The following SLC13A5 variants were observed in gnomAD, a reference collection of about 807,000 sequenced individuals.
SLC13A5 encodes solute carrier family 13 member 5.
In SLC13A5, 25 loss-of-function variants were observed where a neutral mutation model predicts 56.5. The ratio of observed to expected loss-of-function variants is 0.44; its 90% confidence interval spans 0.32 to 0.62. The LOEUF (loss-of-function observed/expected upper bound fraction) is 0.62. Among genes scored for constraint, SLC13A5 ranks in the 20% least tolerant of loss-of-function variants. SLC13A5 has a pLI of 0.04. For missense variants in SLC13A5, 649 were observed against 737.8 expected (o/e 0.88, Z 1.39); for synonymous variants, 307 against 301.5 (o/e 1.02, Z -0.19).
intron 8 of SLC13A5, 50 bp from the exon 9 acceptor site, chr17:6,693,212 C>T (rs983810789): frequency 1.0e-6 from 1 of 972,972 alleles, no homozygotes; most frequent in Middle Eastern, 2.2e-4. Context: ...CACACACACA[C>T]ACACACACAC....
intron 11 of SLC13A5, chr17:6,686,601 G>A: frequency 4.7e-6 from 2 of 426,312 alleles, no homozygotes; most frequent in Non-Finnish European, 4.4e-6. Context: ...AGTGACAGGA[G>A]GCAACAGCTT....
At chr17:6,707,239 G>T (rs754324153) in intron 1 of SLC13A5, 83 bp from the exon 2 acceptor site, 3 of 1,545,220 alleles carry the variant, frequency 1.9e-6, no homozygotes, top group Non-Finnish European at 2.6e-6. Flanking sequence ...GGCTGGCATG[G>T]ATTGTCAAGA....
chr17:6,702,149 C>T (rs1973731633), intron 5 of SLC13A5, among the ~76,000 whole-genome samples: 1 of 152,240 alleles, frequency 6.6e-6, no homozygotes, highest in Admixed American at 6.5e-5. Flanking sequence ...CTCCTGCGCC[C>T]ACTGCCCTCC....
intron 2 of SLC13A5, 105 bp downstream of exon 2, chr17:6,706,923 G>A: frequency 6.4e-7 from 1 of 1,563,060 alleles, no homozygotes; most frequent in East Asian, 2.3e-5. Flanking sequence ...ATCCACAAAT[G>A]AGGGTTTTCC....
chr17:6,709,749 T>G (rs1309801131), intron 1 of SLC13A5, among the ~76,000 whole-genome samples: 1 of 152,184 alleles, frequency 6.6e-6, no homozygotes, highest in Non-Finnish European at 1.5e-5. Context: ...GGTTGTGTTA[T>G]CAGCCACAAA....
At chr17:6,693,212 CA>C (rs1178168603) in intron 8 of SLC13A5, 50 bp from the exon 9 acceptor site, 4 of 972,966 alleles carry the variant, frequency 4.1e-6, no homozygotes, top group African/African-American at 1.6e-5. Context: ...CACACACACA[CA>C]CACACACACA....
Position 6,693,115 on chromosome 17 carries a change from T to A in SLC13A5, c.1204A>T (p.Thr402Ser). ...YPPPLLDWKV[T>S]QEKVPWGIVL... ...ATGCCCCAGGGCACTTTCTCCTGGGTTACCTTCCAATCCAGCAGGGGAGGG... is the reference window on the plus strand; with the variant it reads ...ATGCCCCAGGGCACTTTCTCCTGGGATACCTTCCAATCCAGCAGGGGAGGG... Residue 402 changes from threonine to serine, a missense_variant, in exon 9 of 12, where the codon ACC (threonine) becomes TCC (serine). Coordinates refer to ENST00000433363, the MANE Select transcript of SLC13A5 (RefSeq NM_177550.5). The A allele has an allele frequency of 6.2e-7, 1 of 1,612,846 alleles. No homozygotes were observed. The highest frequency in any genetic ancestry group is 1.1e-5 in the South Asian group (1 of 91,030).
In SLC13A5 at chr17:6,704,289, G is replaced by A. The variant is rs549816334; in HGVS notation, c.369-233C>T. ...TCCTGCCTCTCCCACACCCATGACTGATGTCTACTCTGCTTGCTTCTGGGG... is the reference window on the plus strand; with the variant it reads ...TCCTGCCTCTCCCACACCCATGACTAATGTCTACTCTGCTTGCTTCTGGGG... On this transcript the variant is annotated intron_variant, in intron 3 of 11. Coordinates refer to ENST00000433363, the MANE Select transcript of SLC13A5 (RefSeq NM_177550.5). 2.0e-3 allele frequency: 1,341 copies of A among 668,712 alleles called. 5 individuals are homozygous for A. Among genetic ancestry groups the A allele is most frequent in the Non-Finnish European group, 3.2e-3 (1,153 of 363,980 alleles). The allele number at this position is 668,712 out of a possible 1,614,324, so 41.4% of individuals were successfully genotyped here.
rs563387872 is a variant in SLC13A5 at position 6,694,280 on chromosome 17, A to G, written c.1056-83T>C. 1.4e-4 allele frequency: 116 copies of G among 803,738 alleles called. No homozygotes were observed. The African/African-American group carries it at 1.8e-3, about 13-fold the overall frequency. The allele number at this position is 803,738 out of a possible 1,614,324, so 49.8% of individuals were successfully genotyped here. ...CACAACTCCGGCAGTTCTGTGTCCA[A>G]ATGCTTCTATGCAAAGAAACAGGCT... On this transcript the variant is annotated intron_variant, in intron 7 of 11. Transcript: ENST00000433363.
At chr17:6,696,441 G>C (rs1270179212) in intron 6 of SLC13A5, among the ~76,000 whole-genome samples, 3 of 152,122 alleles carry the variant, frequency 2.0e-5, no homozygotes, top group Non-Finnish European at 1.5e-5. Flanking sequence ...TGGAGTTGGA[G>C]GTGCAGGATT....
At chr17:6,702,916 C>T (rs1290376654) in intron 5 of SLC13A5, 54 bp downstream of exon 5, 33 of 1,587,676 alleles carry the variant, frequency 2.1e-5, no homozygotes, top group Non-Finnish European at 2.7e-5. Flanking sequence ...GGGCAGGTCC[C>T]TCCAGCCCCG....
At chr17:6,702,093 C>T (rs759967762) in intron 5 of SLC13A5, among the ~76,000 whole-genome samples, 2 of 152,192 alleles carry the variant, frequency 1.3e-5, no homozygotes, top group Non-Finnish European at 2.9e-5. Context: ...TTGAACCTCA[C>T]GTTTCTGCCC....
chr17:6,695,371 T>G lies in SLC13A5; in HGVS notation c.1055+355A>C, dbSNP rs567245355. 261 of 199,100 alleles carry G rather than the reference T, an allele frequency of 1.3e-3. 1 individual carries two copies. The highest frequency in any genetic ancestry group is 5.7e-3 in the African/African-American group (243 of 42,586). The allele number at this position is 199,100 out of a possible 1,614,324, so 12.3% of individuals were successfully genotyped here. Reference sequence around the variant, plus strand: ...GAGACCAGCAGCATTTAGGCACTAGTGCACTAAGCCAGTGGTGTCTTTCTT... The same window carrying G: ...GAGACCAGCAGCATTTAGGCACTAGGGCACTAAGCCAGTGGTGTCTTTCTT... On this transcript the variant is annotated intron_variant, in intron 7 of 11. Coordinates refer to ENST00000433363, the MANE Select transcript of SLC13A5 (RefSeq NM_177550.5).
At chr17:6,699,086 A>G (rs1454756335) in intron 6 of SLC13A5, among the ~76,000 whole-genome samples, 6 of 106,674 alleles carry the variant, frequency 5.6e-5, no homozygotes, top group Non-Finnish European at 1.1e-4. Context: ...TAAATAAATA[A>G]ATAAAATAAA....
At chr17:6,694,311 C>A (rs905637899) in intron 7 of SLC13A5, 114 bp from the exon 8 acceptor site, 3 of 632,890 alleles carry the variant, frequency 4.7e-6, no homozygotes, top group African/African-American at 1.8e-5. Flanking sequence ...AGGCTCACAG[C>A]CTTAAAAGTC....
Position 6,707,106 on chromosome 17 carries a change from T to G in SLC13A5, c.153A>C (p.Thr51=), listed in dbSNP as rs1973890779. ...VIILMAIYWC[T]EVIPLAVTSL... is the part of the protein sequence containing the mutation. ...AGGTGACAGCCAGAGGGATGACTTC[T>G]GTGCACCAGTAAATGGCCATGAGGA... Residue 51 remains threonine (T), a synonymous_variant, in exon 2 of 12, where the codon ACA becomes ACC. Transcript: ENST00000433363. 1 of 1,613,972 alleles carries G rather than the reference T, an allele frequency of 6.2e-7. No homozygotes were observed. Among genetic ancestry groups the G allele is most frequent in the African/African-American group, 1.3e-5 (1 of 74,920 alleles).
chr17:6,687,440 G>A lies in SLC13A5; in HGVS notation c.1575+89C>T, dbSNP rs147155202. 347 of 1,572,002 alleles carry A rather than the reference G, an allele frequency of 2.2e-4. No individual in the cohort carries two copies. In the Middle Eastern group the frequency reaches 2.5e-3, roughly 11 times the overall value. ...TGGCATTCCCAAGTCACATGACATC[G>A]TTTTGAAACTCTGTCATTCATAAAT... is the stretch of plus-strand genomic sequence containing the variant. On this transcript the variant is annotated intron_variant, in intron 11 of 11. Transcript: ENST00000433363. This position sits in a 1 kb window ranked among gnomAD's most constrained non-coding sequence, Gnocchi z 5.0.
In SLC13A5 at chr17:6,685,993, T is replaced by A. The variant is rs964994328; in HGVS notation, c.*214A>T. On this transcript the variant is annotated 3_prime_UTR_variant, in exon 12 of 12. Transcript: ENST00000433363. The surrounding 1 kb of genome is among the most constrained non-coding windows in gnomAD (Gnocchi z 4.2). The stretch of plus-strand genomic sequence containing the variant: ...ATGGGTCCAGCAGCCCACTGAGGGG[T>A]TCCCTTCATTTCTGAGCCTACCCTC... 4.7e-6 allele frequency: 3 copies of A among 644,958 alleles called. No individual in the cohort carries two copies. The highest frequency in any genetic ancestry group is 5.5e-5 in the Admixed American group (2 of 36,448). 40.0% of individuals were successfully genotyped at this position (644,958 alleles called of 1,614,324 possible).
At chr17:6,712,883 G>A (rs1399685254) in intron 1 of SLC13A5, among the ~76,000 whole-genome samples, 1 of 152,258 alleles carries the variant, frequency 6.6e-6, no homozygotes, top group African/African-American at 2.4e-5. Flanking sequence ...GGGGGAAACA[G>A]GGTTATGCAC....
Sources: gnomAD v4.1 joint callset for allele counts (sites outside exome capture counted in the v4.1 genomes callset) on GRCh38, gnomAD v4.1.1 for gene constraint, Gnocchi (gnomAD v3.1) non-coding constraint, MANE v1.5 for transcripts, NCBI Gene and HGNC (gene_info 2026-07-23, HGNC 2026-07-21) for gene names.